OPHN1: variants seen among roughly 807,000 people sequenced by gnomAD.
OPHN1 encodes oligophrenin-1.
OPHN1 carries 11 observed loss-of-function variants against 60.7 expected under a neutral mutation model. The observed-to-expected ratio is 0.18, with a 90% CI of 0.11 to 0.30. OPHN1 has a LOEUF of 0.30. OPHN1 is among the 10% of genes least tolerant of loss of function. The pLI is 1.00. For synonymous variants in OPHN1, 226 were observed against 222.6 expected, an observed-to-expected ratio of 1.02 and a Z score of -0.14; for missense variants, 449 against 611.0, an observed-to-expected ratio of 0.73 and a Z score of 2.80.
At chrX:68,085,114 T>C (rs1462782341) in intron 19 of OPHN1, among the ~76,000 whole-genome samples, 1 of 112,252 alleles carries the variant, frequency 8.9e-6, no homozygotes, top group African/African-American at 3.2e-5. Flanking sequence ...TTCAAAACTC[T>C]TTTTTAACAA....
intron 2 of OPHN1, among the ~76,000 whole-genome samples, chrX:68,339,789 G>A (rs1225427395): frequency 9.0e-6 from 1 of 110,503 alleles, no homozygotes; most frequent in Non-Finnish European, 1.9e-5. Context: ...TTTTAATAGT[G>A]ACAGGGTTTC....
intron 2 of OPHN1, among the ~76,000 whole-genome samples, chrX:68,332,804 A>T (rs1371436385): frequency 5.3e-5 from 5 of 94,486 alleles, no homozygotes; most frequent in African/African-American, 2.9e-4. Flanking sequence ...ATGGAAATTA[A>T]AAAAAAAAAA....
At chrX:68,230,672 C>T (rs1424056076) in intron 6 of OPHN1, among the ~76,000 whole-genome samples, 1 of 104,471 alleles carries the variant, frequency 9.6e-6, no homozygotes, top group Non-Finnish European at 1.9e-5. Context: ...GGACAGAAAA[C>T]CAAATACTAC....
chrX:68,311,819 A>G (rs888758209), intron 2 of OPHN1, among the ~76,000 whole-genome samples: 1 of 111,777 alleles, frequency 8.9e-6, no homozygotes, highest in African/African-American at 3.3e-5. Context: ...ACCAGACAGA[A>G]GATCAGTAAG....
At chrX:68,388,649 C>T in intron 2 of OPHN1, among the ~76,000 whole-genome samples, 1 of 110,123 alleles carries the variant, frequency 9.1e-6, no homozygotes, top group East Asian at 2.9e-4. Flanking sequence ...GTGTTTAATG[C>T]TAAAGTATTC....
chrX:68,231,163 A>T (rs1342049531), intron 6 of OPHN1, among the ~76,000 whole-genome samples: 1 of 111,816 alleles, frequency 8.9e-6, no homozygotes, highest in Non-Finnish European at 1.9e-5. Flanking sequence ...ACAAAAAGAC[A>T]AGATATTTAA....
At chrX:68,327,041 C>A (rs1452367095) in intron 2 of OPHN1, among the ~76,000 whole-genome samples, 6 of 47,013 alleles carry the variant, frequency 1.3e-4, no homozygotes, top group Non-Finnish European at 6.2e-5. Context: ...GGGGGAACAG[C>A]CCCCGCCCGG....
intron 2 of OPHN1, among the ~76,000 whole-genome samples, chrX:68,389,291 G>A (rs1344203600): frequency 9.2e-6 from 1 of 108,876 alleles, no homozygotes; most frequent in Non-Finnish European, 1.9e-5. Flanking sequence ...AAATGGGCCA[G>A]GCACGGTGGC....
At chrX:68,206,533 TAGATCC>T (rs758634393) in intron 10 of OPHN1, 34 bp downstream of exon 10, 26 of 958,116 alleles carry the variant, frequency 2.7e-5, no homozygotes, top group Non-Finnish European at 3.6e-5. Context: ...GAAACAGTCA[TAGATCC>T]ATTTCCAAAA....
chrX:68,317,338 G>GGAAA (rs796692093), intron 2 of OPHN1, among the ~76,000 whole-genome samples: 1,183 of 28,798 alleles, frequency 0.041, 59 homozygotes, highest in East Asian at 0.073. Flanking sequence ...AAGAAAGAGA[G>GGAAA]GAAAGAAAGA....
At chrX:68,420,168 C>A in intron 2 of OPHN1, among the ~76,000 whole-genome samples, 1 of 111,724 alleles carries the variant, frequency 9.0e-6, no homozygotes, top group Admixed American at 9.6e-5. Context: ...ACGGCTACTT[C>A]CGTTTCTCTA....
chrX:68,254,696 A>G (rs2078219248), intron 5 of OPHN1, among the ~76,000 whole-genome samples: 1 of 111,195 alleles, frequency 9.0e-6, no homozygotes, highest in African/African-American at 3.3e-5. Context: ...TTTCTCTTGG[A>G]TAAAAGACAA....
At chrX:68,089,358 C>T in intron 19 of OPHN1, among the ~76,000 whole-genome samples, 2 of 111,509 alleles carry the variant, frequency 1.8e-5, no homozygotes, top group Non-Finnish European at 3.8e-5. Flanking sequence ...ATCTCTGATT[C>T]TATATTCTTC....
At chrX:68,360,934 A>T in intron 2 of OPHN1, 1 of 112,303 alleles carries the variant, frequency 8.9e-6, no homozygotes, top group South Asian at 3.7e-4. Context: ...AAGGGACTCG[A>T]GAAAGAAATT....
At chrX:68,267,220 T>C (rs1437494516) in intron 5 of OPHN1, among the ~76,000 whole-genome samples, 1 of 111,356 alleles carries the variant, frequency 9.0e-6, no homozygotes, top group Non-Finnish European at 1.9e-5. Context: ...ATCAACAGAA[T>C]ATACATTCTT....
intron 10 of OPHN1, among the ~76,000 whole-genome samples, chrX:68,202,504 AT>A (rs35305971): frequency 0.12 from 12,486 of 102,758 alleles, 1,697 homozygotes; most frequent in African/African-American, 0.39. Flanking sequence ...ATTACGCTAC[AT>A]TTTTTTTTTT....
intron 19 of OPHN1, among the ~76,000 whole-genome samples, chrX:68,077,403 A>C (rs1602140407): frequency 9.0e-6 from 1 of 111,451 alleles, no homozygotes; most frequent in African/African-American, 3.3e-5. Flanking sequence ...CATGTACCAT[A>C]AAAAAAATAA....
chrX:68,254,769 C>A (rs977813842), intron 5 of OPHN1, among the ~76,000 whole-genome samples: 2 of 110,281 alleles, frequency 1.8e-5, no homozygotes, highest in Non-Finnish European at 3.8e-5. Flanking sequence ...GTAATCCCAG[C>A]AATTTGGGAA....
At chrX:68,328,064 C>G (rs2078274932) in intron 2 of OPHN1, among the ~76,000 whole-genome samples, 1 of 100,796 alleles carries the variant, frequency 9.9e-6, no homozygotes, top group Non-Finnish European at 2.0e-5. Context: ...CTCCTGACCT[C>G]ATGATCCACC....
Sources: allele counts gnomAD v4.1 joint callset (sites outside exome capture counted in the v4.1 genomes callset), GRCh38; gene constraint gnomAD v4.1.1; transcripts MANE v1.5; gene names NCBI Gene and HGNC (gene_info 2026-07-23, HGNC 2026-07-21).